Variants in ROBO2 observed in about 807,000 individuals in gnomAD.
ROBO2 encodes roundabout homolog 2.
In ROBO2, 53 loss-of-function variants were observed where a neutral mutation model predicts 160.8. That is an observed-to-expected ratio of 0.33 (90% CI 0.26 to 0.41). The LOEUF (loss-of-function observed/expected upper bound fraction) is 0.41. Among genes scored for constraint, ROBO2 ranks in the 10% least tolerant of loss-of-function variants. ROBO2 has a pLI of 1.00. For missense variants in ROBO2, 1,577 were observed against 1,722.4 expected, an observed-to-expected ratio of 0.92 and a Z score of 1.49; for synonymous variants, 664 against 611.7, an observed-to-expected ratio of 1.09 and a Z score of -1.26.
intron 2 of ROBO2, among the ~76,000 whole-genome samples, chr3:76,258,456 G>C (rs983929363): frequency 6.6e-5 from 10 of 151,882 alleles, no homozygotes; most frequent in African/African-American, 2.2e-4. Flanking sequence ...CCGAGTACCA[G>C]CACATTATTT....
intron 2 of ROBO2, among the ~76,000 whole-genome samples, chr3:76,721,913 T>C (rs535522116): frequency 6.6e-6 from 1 of 152,334 alleles, no homozygotes; most frequent in Middle Eastern, 3.4e-3. Context: ...AGAATGTGTT[T>C]TATATTCATT....
intron 2 of ROBO2, among the ~76,000 whole-genome samples, chr3:76,803,780 T>C (rs1035936737): frequency 2.0e-5 from 3 of 152,174 alleles, no homozygotes; most frequent in Non-Finnish European, 4.4e-5. Context: ...ATATAAGTGC[T>C]TTTAACAACT....
chr3:77,340,448 CT>C (rs1211935538), intron 2 of ROBO2, among the ~76,000 whole-genome samples: 2 of 151,932 alleles, frequency 1.3e-5, no homozygotes, highest in Non-Finnish European at 2.9e-5. Context: ...GATTCTTGTT[CT>C]TTGGTGTTCT....
At chr3:76,963,842 A>AC (rs957864318) in intron 2 of ROBO2, among the ~76,000 whole-genome samples, 7 of 150,674 alleles carry the variant, frequency 4.6e-5, no homozygotes, top group African/African-American at 1.5e-4. Flanking sequence ...ACTGCAAAAA[A>AC]AAAAAAAGAA....
intron 2 of ROBO2, among the ~76,000 whole-genome samples, chr3:76,256,326 TCTCTCTCTCTCTCTCTCTCTCTCTC>T (rs1441418642): frequency 8.5e-5 from 8 of 94,158 alleles, no homozygotes; most frequent in Non-Finnish European, 7.7e-5. Flanking sequence ...TCTCTCTCTC[TCTCTCTCTCTCTCTCTCTCTCTCTC>T]TCACATACAC....
intron 2 of ROBO2, among the ~76,000 whole-genome samples, chr3:77,223,075 G>A (rs201688925): frequency 1.2e-3 from 180 of 152,176 alleles, no homozygotes; most frequent in African/African-American, 3.9e-3. Context: ...TTCACTTTCC[G>A]TTTTATTCAC....
At chr3:77,420,276 A>G (rs1221446683) in intron 2 of ROBO2, among the ~76,000 whole-genome samples, 3 of 151,904 alleles carry the variant, frequency 2.0e-5, no homozygotes, top group African/African-American at 7.3e-5. Flanking sequence ...TTTAAATCAA[A>G]TAAATATGTT....
At chr3:77,629,213 AG>A (rs1246065585) in intron 23 of ROBO2, 1 of 152,214 alleles carries the variant, frequency 6.6e-6, no homozygotes, top group Non-Finnish European at 1.5e-5. Flanking sequence ...GGAGATAAAC[AG>A]GGTTATCTGA....
chr3:77,304,493 GGTTTGCCACAT>G (rs2062928411), intron 2 of ROBO2, among the ~76,000 whole-genome samples: 1 of 152,070 alleles, frequency 6.6e-6, no homozygotes, highest in East Asian at 1.9e-4. Flanking sequence ...CTCCAGAAAG[GGTTTGCCACAT>G]ATATTACTGC....
intron 2 of ROBO2, among the ~76,000 whole-genome samples, chr3:76,252,823 T>G (rs1706106006): frequency 1.3e-5 from 2 of 151,582 alleles, no homozygotes; most frequent in South Asian, 4.1e-4. Context: ...TGTTTTTTTT[T>G]GAAGGAATTC....
At chr3:77,188,627 C>T (rs1419023124) in intron 2 of ROBO2, among the ~76,000 whole-genome samples, 1 of 151,786 alleles carries the variant, frequency 6.6e-6, no homozygotes, top group Admixed American at 6.6e-5. Flanking sequence ...AAAATACACC[C>T]TTTTCAGGAT....
intron 2 of ROBO2, among the ~76,000 whole-genome samples, chr3:76,886,506 C>T (rs2073900457): frequency 6.6e-6 from 1 of 152,020 alleles, no homozygotes; most frequent in Admixed American, 6.6e-5. Flanking sequence ...CTGGCTACTT[C>T]AGAAGGAGGG....
intron 2 of ROBO2, among the ~76,000 whole-genome samples, chr3:77,234,496 G>A (rs17769969): frequency 0.1 from 15,521 of 152,010 alleles, 984 homozygotes; most frequent in Middle Eastern, 0.14. Flanking sequence ...TAGGTGAATC[G>A]CACAGACAAT....
intron 2 of ROBO2, among the ~76,000 whole-genome samples, chr3:77,025,452 A>G (rs1264816568): frequency 6.6e-6 from 1 of 152,354 alleles, no homozygotes; most frequent in African/African-American, 2.4e-5. Flanking sequence ...TGCTAAGGGC[A>G]AAACTAATGT....
intron 2 of ROBO2, among the ~76,000 whole-genome samples, chr3:76,619,327 G>A (rs1380229375): frequency 1.5e-5 from 2 of 137,190 alleles, no homozygotes; most frequent in Non-Finnish European, 1.6e-5. Context: ...GCGACAGAGC[G>A]AGACTCCGTC....
chr3:77,646,095 TC>T, exon 26 of ROBO2: 1 of 1,556,056 alleles, frequency 6.4e-7, no homozygotes, highest in Non-Finnish European at 8.8e-7. Context: ...TGAAGGACCA[TC>T]AGGTCCGGAC....
chr3:76,700,088 A>G (rs941619305), intron 2 of ROBO2, among the ~76,000 whole-genome samples: 21 of 152,070 alleles, frequency 1.4e-4, no homozygotes, highest in African/African-American at 4.8e-4. Flanking sequence ...TTCAACAACA[A>G]AAAACTTCTT....
intron 2 of ROBO2, among the ~76,000 whole-genome samples, chr3:77,310,119 A>G (rs1188323781): frequency 6.6e-6 from 1 of 152,178 alleles, no homozygotes; most frequent in Non-Finnish European, 1.5e-5. Context: ...CTGAAAGAGG[A>G]AAATTTCCTC....
intron 6 of ROBO2, among the ~76,000 whole-genome samples, chr3:77,537,100 G>GGC (rs2092159476): frequency 5.8e-5 from 1 of 17,288 alleles, no homozygotes; most frequent in Non-Finnish European, 1.2e-4. Flanking sequence ...CATATTTTGT[G>GGC]GGGGGGGGGT....
Sources: gnomAD v4.1 joint callset for allele counts (sites outside exome capture counted in the v4.1 genomes callset) on GRCh38, gnomAD v4.1.1 for gene constraint, MANE v1.5 for transcripts, NCBI Gene and HGNC (gene_info 2026-07-23, HGNC 2026-07-21) for gene names.